The following MAP3K15 variants were observed in gnomAD, a reference collection of about 807,000 sequenced individuals.
The protein encoded by MAP3K15 is mitogen-activated protein kinase kinase kinase 15.
A neutral mutation model predicts 99.5 loss-of-function variants in MAP3K15; 124 were observed. That is an observed-to-expected ratio of 1.25 (90% confidence interval 1.08 to 1.45). MAP3K15 has a LOEUF of 1.45. Ranked by LOEUF, MAP3K15 falls within the 40% of genes most tolerant of loss-of-function variation. MAP3K15 has a pLI of 0.00. For missense variants in MAP3K15, 1,242 were observed against 1,079.7 expected (o/e 1.15, Z -2.11); for synonymous variants, 494 against 439.6 (o/e 1.12, Z -1.55).
Position 19,369,235 on chromosome X carries a change from G to T in MAP3K15, c.3401-16C>A. On this transcript the variant is annotated splice_polypyrimidine_tract_variant and intron_variant, in intron 24 of 28. Coordinates refer to ENST00000338883, the MANE Select transcript of MAP3K15 (RefSeq NM_001001671.4). ...GCTCGGAGCTCTGCAAATCACACAA[G>T]ACATGACAATGGTGAGCAAACCAGG... The T allele has an allele frequency of 8.3e-7, 1 of 1,210,851 alleles. No homozygotes were observed. The highest frequency in any genetic ancestry group is 1.1e-6 in the Non-Finnish European group (1 of 894,984).
At chrX:19,461,258 C>T (rs1238504828) in intron 4 of MAP3K15, among the ~76,000 whole-genome samples, 2 of 112,275 alleles carry the variant, frequency 1.8e-5, no homozygotes, top group African/African-American at 3.2e-5. Context: ...GGATTACAGG[C>T]GTGAGCCACT....
At chrX:19,499,107 T>G (rs987544149) in intron 1 of MAP3K15, among the ~76,000 whole-genome samples, 7 of 111,651 alleles carry the variant, frequency 6.3e-5, no homozygotes, top group African/African-American at 2.3e-4. Context: ...CCCAATTAAA[T>G]GGGTCAATGG....
intron 9 of MAP3K15, among the ~76,000 whole-genome samples, chrX:19,418,729 A>G (rs1183295019): frequency 3.6e-5 from 4 of 111,274 alleles, no homozygotes; most frequent in Non-Finnish European, 7.5e-5. Context: ...TCCAAGACAC[A>G]TAATTGTCAG....
At chrX:19,382,540 GACTTAAATATAA>G (rs1439670412) in intron 18 of MAP3K15, among the ~76,000 whole-genome samples, 1 of 112,140 alleles carries the variant, frequency 8.9e-6, no homozygotes, top group Non-Finnish European at 1.9e-5. Flanking sequence ...AATTACAAGT[GACTTAAATATAA>G]ACTTAAATAT....
chrX:19,484,626 A>C (rs2064311186), intron 3 of MAP3K15, among the ~76,000 whole-genome samples: 1 of 111,712 alleles, frequency 9.0e-6, no homozygotes, highest in Non-Finnish European at 1.9e-5. Flanking sequence ...CCGGGACGAG[A>C]GACTATTTCT....
intron 19 of MAP3K15, among the ~76,000 whole-genome samples, chrX:19,376,095 C>T (rs912136650): frequency 1.8e-5 from 2 of 111,805 alleles, no homozygotes; most frequent in African/African-American, 3.2e-5. Flanking sequence ...CAATGACACC[C>T]GGCTGGGATG....
chrX:19,424,812 AT>A lies in MAP3K15; in HGVS notation c.1439+718del, dbSNP rs34164536. Reference sequence around the variant, plus strand: ...CAGGCGTGCACCACCATGCCTGGCTATTTTTTTTTTTTTTTGTAGACACTGG... The same window carrying A: ...CAGGCGTGCACCACCATGCCTGGCTATTTTTTTTTTTTTTGTAGACACTGG... On this transcript the variant is annotated intron_variant, in intron 9 of 28. Transcript: ENST00000338883. Among the ~76,000 whole-genome samples the A allele has an allele frequency of 8.6e-3, 822 of 95,138 alleles. 1 individual carries two copies. The highest frequency in any genetic ancestry group is 0.021 in the African/African-American group (554 of 26,166). The allele number at this position is 95,138 out of a possible 115,157, so 82.6% of individuals were successfully genotyped here. A position where few individuals can be genotyped will look rare whatever the true frequency, so the allele number is the denominator to read the frequency against.
rs768124795 is a variant in MAP3K15 at position 19,374,458 on chromosome X, C to A, written c.2773+19G>T. On this transcript the variant is annotated intron_variant, in intron 20 of 28. Coordinates refer to ENST00000338883, the MANE Select transcript of MAP3K15 (RefSeq NM_001001671.4). ...TCTTGTGGCCAGGGTGCTGCCCCAG[C>A]TGTCCAGGGAGGCCTCACCTGAGGG... 8.3e-7 allele frequency: 1 copy of A among 1,201,539 alleles called. No individual in the cohort carries two copies. Among genetic ancestry groups the A allele is most frequent in the South Asian group, 1.8e-5 (1 of 55,931 alleles).
chrX:19,403,298 A>G (rs753895944), intron 13 of MAP3K15, among the ~76,000 whole-genome samples: 1 of 111,254 alleles, frequency 9.0e-6, no homozygotes, highest in Admixed American at 9.6e-5. Flanking sequence ...GAGGGTCAAA[A>G]GGGCACATTT....
chrX:19,431,141 G>A (rs1311505845), intron 7 of MAP3K15, among the ~76,000 whole-genome samples: 1 of 111,705 alleles, frequency 9.0e-6, no homozygotes, highest in Non-Finnish European at 1.9e-5. Flanking sequence ...GGAAGATGAT[G>A]CCCTGGTGGT....
intron 3 of MAP3K15, among the ~76,000 whole-genome samples, chrX:19,471,987 C>T (rs1341540070): frequency 9.0e-6 from 1 of 111,471 alleles, no homozygotes; most frequent in Non-Finnish European, 1.9e-5. Flanking sequence ...CTTTGGGAGG[C>T]CAAGGTGGGT....
intron 1 of MAP3K15, among the ~76,000 whole-genome samples, chrX:19,512,590 T>C (rs1295998693): frequency 9.5e-6 from 1 of 105,547 alleles, no homozygotes; most frequent in Non-Finnish European, 1.9e-5. Flanking sequence ...TCCTCCTGCC[T>C]CCACCTCCCA....
intron 9 of MAP3K15, among the ~76,000 whole-genome samples, chrX:19,425,299 T>A (rs1256415707): frequency 8.9e-6 from 1 of 111,740 alleles, no homozygotes. Flanking sequence ...CTGCAGAAAT[T>A]AATAGAATAG....
At chrX:19,456,241 C>T (rs1269559787) in intron 6 of MAP3K15, among the ~76,000 whole-genome samples, 1 of 112,055 alleles carries the variant, frequency 8.9e-6, no homozygotes, top group Non-Finnish European at 1.9e-5. Flanking sequence ...AACCTAGAGG[C>T]CCATCAGCAG....
At chrX:19,410,767 A>C (rs766900767) in intron 11 of MAP3K15, among the ~76,000 whole-genome samples, 1 of 112,115 alleles carries the variant, frequency 8.9e-6, no homozygotes, top group Non-Finnish European at 1.9e-5. Context: ...CCCTCCCTTC[A>C]CTACCACTAC....
At position 19,361,277 on chromosome X, in the gene MAP3K15, T is replaced by C. The variant is rs2063283398; in HGVS notation, c.3857+62A>G. 2.1e-6 allele frequency: 2 copies of C among 952,427 alleles called. No individual in the cohort carries two copies. The highest frequency in any genetic ancestry group is 4.0e-4 in the Middle Eastern group (1 of 2,513). The allele number at this position is 952,427 out of a possible 1,213,427, so 78.5% of individuals were successfully genotyped here. A position where few individuals can be genotyped will look rare whatever the true frequency, so the allele number is the denominator to read the frequency against. On this transcript the variant is annotated intron_variant, in intron 28 of 28. Coordinates refer to ENST00000338883, the MANE Select transcript of MAP3K15 (RefSeq NM_001001671.4). Reference sequence around the variant, plus strand: ...AGGCCCAGCCCTTTGTTTTCTGCTCTTGAAGCATATTCACACATAAAAAGT... The same window carrying C: ...AGGCCCAGCCCTTTGTTTTCTGCTCCTGAAGCATATTCACACATAAAAAGT...
At chrX:19,420,028 A>G (rs2063769781) in intron 9 of MAP3K15, among the ~76,000 whole-genome samples, 1 of 112,127 alleles carries the variant, frequency 8.9e-6, no homozygotes, top group African/African-American at 3.2e-5. Flanking sequence ...TCTCTGGGAC[A>G]CATTCAAAGT....
rs1344127743 is a variant in MAP3K15 at position 19,360,707 on chromosome X, G to A, written c.*42C>T. The A allele has an allele frequency of 7.8e-6, 8 of 1,024,085 alleles. No homozygotes were observed. Among genetic ancestry groups the A allele is most frequent in the Non-Finnish European group, 1.1e-5 (8 of 730,154 alleles). 84.4% of individuals were successfully genotyped at this position (1,024,085 alleles called of 1,213,427 possible). On this transcript the variant is annotated 3_prime_UTR_variant, in exon 29 of 29. Transcript: ENST00000338883. The stretch of plus-strand genomic sequence containing the variant: ...ACTAACAGAAGCTTTAACAAAACAT[G>A]TAGCGTGGTGGGACACTCTGCCACA...
At position 19,413,400 on chromosome X, in the gene MAP3K15, T is replaced by C; in HGVS notation, c.1655A>G (p.Glu552Gly). The change falls in exon 11 of 29, where the codon GAG becomes GGG. Residue 552 changes from glutamate (E) to glycine (G), a missense_variant. By Grantham distance (98) the Glu-to-Gly change is moderately conservative. Transcript: ENST00000338883. ...PSYVSINNEA[E>G]ERTVSLWHVS... ...ATGCCATAAAGAAACTGTTCTCTCC[T>C]CGGCTTCATTGTTTATGGAAACATA... is the stretch of plus-strand genomic sequence containing the variant. 1 of 1,208,881 alleles carries C rather than the reference T, an allele frequency of 8.3e-7. No homozygotes were observed. Among genetic ancestry groups the C allele is most frequent in the Non-Finnish European group, 1.1e-6 (1 of 893,844 alleles).
Sources: gnomAD v4.1 joint callset for allele counts (sites outside exome capture counted in the v4.1 genomes callset) on GRCh38, gnomAD v4.1.1 for gene constraint, MANE v1.5 for transcripts, NCBI Gene and HGNC (gene_info 2026-07-23, HGNC 2026-07-21) for gene names.